The following DNAH3 variants were observed in gnomAD, a reference collection of about 807,000 sequenced individuals.
DNAH3 encodes the protein axonemal beta dynein heavy chain 3.
DNAH3 carries 332 observed loss-of-function variants against 432.5 expected under a neutral mutation model. That is an observed-to-expected ratio of 0.77 (90% CI 0.70 to 0.84). The LOEUF (loss-of-function observed/expected upper bound fraction) is 0.84. DNAH3 is among the 40% of genes least tolerant of loss of function. The pLI is 0.00. For missense variants in DNAH3, 4,861 were observed against 5,114.0 expected, an observed-to-expected ratio of 0.95 and a Z score of 1.51; for synonymous variants, 1,956 against 1,900.2, an observed-to-expected ratio of 1.03 and a Z score of -0.76.
At chr16:21,023,811 G>C (rs1262366798) in intron 39 of DNAH3, among the ~76,000 whole-genome samples, 1 of 151,894 alleles carries the variant, frequency 6.6e-6, no homozygotes, top group Non-Finnish European at 1.5e-5. Flanking sequence ...GTGTGTGTGT[G>C]TGTGTGTGGA....
intron 24 of DNAH3, 130 bp from the exon 25 acceptor site, chr16:21,062,813 CCA>C (rs2090409596): frequency 2.9e-6 from 2 of 678,342 alleles, no homozygotes; most frequent in Admixed American, 2.9e-5. Context: ...TCACAAAGGC[CCA>C]CTCTCTTTTA....
At chr16:20,966,213 A>G (rs1405351564) in intron 52 of DNAH3, among the ~76,000 whole-genome samples, 1 of 149,666 alleles carries the variant, frequency 6.7e-6, no homozygotes, top group East Asian at 2.0e-4. Flanking sequence ...AATTTTTTGT[A>G]CTTTTAGTAG....
In DNAH3 at chr16:20,953,436, G is replaced by A. The variant is rs2084409522; in HGVS notation, c.11072-887C>T. 2.0e-5 allele frequency among the ~76,000 whole-genome samples: 3 copies of A among 152,174 alleles called. No individual in the cohort carries two copies. In the South Asian group the frequency reaches 6.2e-4, roughly 32 times the overall value. ...GGCCTCCCAAAGTGCTGGGATTACA[G>A]GTGTGAACCATCGCGCCCAGGTTCA... On this transcript the variant is annotated intron_variant, in intron 55 of 61. Transcript: ENST00000261383.
At chr16:21,046,080 G>C (rs1469057551) in intron 31 of DNAH3, among the ~76,000 whole-genome samples, 2 of 150,328 alleles carry the variant, frequency 1.3e-5, no homozygotes, top group Admixed American at 1.3e-4. Flanking sequence ...TTGCTGAGGA[G>C]AGCTTTACTT....
intron 26 of DNAH3, 51 bp from the exon 27 acceptor site, chr16:21,058,247 A>G: frequency 8.5e-7 from 1 of 1,171,882 alleles, no homozygotes; most frequent in Non-Finnish European, 1.3e-6. Context: ...TGTGGTTTAA[A>G]CTGAGTTTAC....
intron 59 of DNAH3, among the ~76,000 whole-genome samples, chr16:20,938,520 C>A (rs1042031523): frequency 6.6e-6 from 1 of 152,094 alleles, no homozygotes; most frequent in South Asian, 2.1e-4. Context: ...CAAAGATTCT[C>A]TTTCTATTCT....
At chr16:20,965,399 C>A (rs764214435) in exon 53 of DNAH3, 2 of 1,527,974 alleles carry the variant, frequency 1.3e-6, no homozygotes, top group Non-Finnish European at 1.8e-6. Flanking sequence ...TTTTTGGATA[C>A]CCCCCAGTAA....
intron 24 of DNAH3, 37 bp from the exon 25 acceptor site, chr16:21,062,720 C>T (rs1216115304): frequency 2.6e-6 from 4 of 1,555,190 alleles, no homozygotes; most frequent in Non-Finnish European, 3.5e-6. Flanking sequence ...ACTGGAACCT[C>T]TTCCAAGAAC....
chr16:20,957,160 G>A (rs747262877), intron 54 of DNAH3, among the ~76,000 whole-genome samples: 11 of 152,262 alleles, frequency 7.2e-5, no homozygotes, highest in Middle Eastern at 3.4e-3. Flanking sequence ...TCTGGCAGAC[G>A]ACTGAGATGA....
chr16:21,155,487 C>T (rs1412971983), intron 1 of DNAH3, among the ~76,000 whole-genome samples: 1 of 151,474 alleles, frequency 6.6e-6, no homozygotes, highest in South Asian at 2.1e-4. Flanking sequence ...CTGGGCGTGG[C>T]GGCACATGCC....
chr16:21,112,369 G>A (rs2092095927), intron 12 of DNAH3, among the ~76,000 whole-genome samples: 1 of 152,076 alleles, frequency 6.6e-6, no homozygotes, highest in Non-Finnish European at 1.5e-5. Flanking sequence ...TCATACTGCT[G>A]ATAGAGACAT....
At chr16:21,154,398 C>CT (rs1020407388) in intron 1 of DNAH3, among the ~76,000 whole-genome samples, 7 of 130,074 alleles carry the variant, frequency 5.4e-5, no homozygotes, top group East Asian at 2.9e-4. Context: ...CAGCGAGACT[C>CT]TGTCTCAAAA....
At chr16:21,036,198 C>T (rs944210903) in intron 35 of DNAH3, among the ~76,000 whole-genome samples, 4 of 152,082 alleles carry the variant, frequency 2.6e-5, no homozygotes, top group Non-Finnish European at 5.9e-5. Context: ...TGGCGGCACG[C>T]ACCTGTAATG....
At chr16:21,048,056 G>C (rs1159745216) in intron 31 of DNAH3, among the ~76,000 whole-genome samples, 4 of 152,232 alleles carry the variant, frequency 2.6e-5, no homozygotes, top group Non-Finnish European at 4.4e-5. Flanking sequence ...GCTGCTTGCT[G>C]TGAGAACCAC....
chr16:20,961,645 T>G (rs945836110), intron 53 of DNAH3, among the ~76,000 whole-genome samples: 1 of 151,284 alleles, frequency 6.6e-6, no homozygotes, highest in Non-Finnish European at 1.5e-5. Context: ...TGTGCAGACA[T>G]AGGGAGAAGA....
chr16:21,053,427 T>C (rs2090025259), intron 28 of DNAH3, among the ~76,000 whole-genome samples: 1 of 152,186 alleles, frequency 6.6e-6, no homozygotes, highest in African/African-American at 2.4e-5. Context: ...ATGCCTTCGC[T>C]ATACAGTGTG....
Position 20,964,924 on chromosome 16 carries a change from T to C in DNAH3, c.8960A>G (p.Gln2987Arg). Residue 2987 changes from glutamine to arginine, a missense_variant, in exon 53 of 62, where the codon CAG becomes CGG. Gln to Arg is a conservative substitution (Grantham distance 43). Coordinates refer to ENST00000261383, the Ensembl canonical transcript of DNAH3. ...CAGATTAGTATAGCGGATCCCCAGC[T>C]GTCGGGCAGCTTCGGTCCATCTGTC... The C allele has an allele frequency of 3.1e-6, 5 of 1,614,220 alleles. No individual in the cohort carries two copies. Among genetic ancestry groups the C allele is most frequent in the Non-Finnish European group, 4.2e-6 (5 of 1,180,044 alleles).
chr16:21,095,080 A>G (rs1023133137), intron 18 of DNAH3, among the ~76,000 whole-genome samples: 2 of 152,218 alleles, frequency 1.3e-5, no homozygotes, highest in Admixed American at 1.3e-4. Flanking sequence ...ACTGATGAAG[A>G]GGTGGAACAA....
intron 57 of DNAH3, among the ~76,000 whole-genome samples, chr16:20,945,857 C>T (rs1267489492): frequency 6.6e-6 from 1 of 152,156 alleles, no homozygotes; most frequent in African/African-American, 2.4e-5. Context: ...CTTTCTTGTG[C>T]AAGATCCAAG....
Sources: gnomAD v4.1 joint callset for allele counts (sites outside exome capture counted in the v4.1 genomes callset) on GRCh38, gnomAD v4.1.1 for gene constraint, MANE v1.5 for transcripts, NCBI Gene and HGNC (gene_info 2026-07-23, HGNC 2026-07-21) for gene names.